NBAS: variants seen among roughly 807,000 people sequenced by gnomAD.
The protein encoded by NBAS is NAG/BC035112 fusion.
A neutral mutation model predicts 302.5 loss-of-function variants in NBAS; 219 were observed. That is an observed-to-expected ratio of 0.72 (90% CI 0.65 to 0.81). The LOEUF is 0.81. Ranked by LOEUF, NBAS falls within the 30% of genes least tolerant of loss-of-function variation. The pLI is 0.00. For synonymous variants in NBAS, 1,118 were observed against 1,021.6 expected (o/e 1.09, Z -1.80); for missense variants, 2,932 against 2,841.6 (o/e 1.03, Z -0.72).
intron 27 of NBAS, 62 bp from the exon 28 acceptor site, chr2:15,394,411 T>C (rs948885378): frequency 4.0e-5 from 63 of 1,576,914 alleles, no homozygotes; most frequent in Non-Finnish European, 5.4e-5. Context: ...CTAAGAATCT[T>C]AGGCATAGAG....
chr2:14,792,403 T>C, the NBAS span, among the ~76,000 whole-genome samples: 1 of 152,100 alleles, frequency 6.6e-6, no homozygotes, highest in African/African-American at 2.4e-5. Flanking sequence ...CACTATTGAG[T>C]ATTCGTGGTG....
At chr2:15,250,051 G>A (rs1045075629) in intron 44 of NBAS, among the ~76,000 whole-genome samples, 1 of 152,162 alleles carries the variant, frequency 6.6e-6, no homozygotes, top group East Asian at 1.9e-4. Context: ...CATGCTACCT[G>A]ACTTCAAACT....
chr2:15,150,515 G>C, the NBAS span, among the ~76,000 whole-genome samples: 87,738 of 151,982 alleles, frequency 0.58, 26,532 homozygotes, highest in East Asian at 0.78. Flanking sequence ...TATTTAAGAG[G>C]ATGTAAATCC....
the NBAS span, among the ~76,000 whole-genome samples, chr2:14,889,293 C>T: frequency 1.3e-5 from 2 of 152,224 alleles, no homozygotes; most frequent in African/African-American, 4.8e-5. Context: ...CAACAAATGT[C>T]TGCTTCATTT....
chr2:15,150,833 T>C, the NBAS span, among the ~76,000 whole-genome samples: 1 of 152,354 alleles, frequency 6.6e-6, no homozygotes, highest in East Asian at 1.9e-4. Flanking sequence ...ATTTCACTGA[T>C]AGTCCAACCT....
intron 21 of NBAS, among the ~76,000 whole-genome samples, chr2:15,449,040 C>T (rs965214987): frequency 1.3e-5 from 2 of 151,952 alleles, no homozygotes; most frequent in African/African-American, 4.8e-5. Context: ...AAAGAGAACT[C>T]CATGAAAAGG....
At chr2:15,232,650 T>A (rs1188299651) in intron 46 of NBAS, 139 bp from the exon 47 acceptor site, 2 of 735,032 alleles carry the variant, frequency 2.7e-6, no homozygotes, top group African/African-American at 3.5e-5. Flanking sequence ...TGCTATGTGA[T>A]GTCTACAAAT....
At chr2:14,949,983 C>A in the NBAS span, among the ~76,000 whole-genome samples, 4 of 152,056 alleles carry the variant, frequency 2.6e-5, no homozygotes, top group African/African-American at 7.2e-5. Flanking sequence ...TTTGATAGAT[C>A]AATGGAGTAA....
At chr2:15,539,102 T>G in intron 7 of NBAS, 121 bp downstream of exon 7, 5 of 1,360,990 alleles carry the variant, frequency 3.7e-6, no homozygotes, top group Middle Eastern at 2.5e-4. Context: ...GCGTCTTAAG[T>G]CCACAGCTTA....
chr2:15,067,417 GA>G, the NBAS span, among the ~76,000 whole-genome samples: 26 of 25,634 alleles, frequency 1.0e-3, no homozygotes, highest in South Asian at 3.3e-3. Flanking sequence ...GGGGAGGGGA[GA>G]GGAGGGGAGA....
chr2:15,346,344 G>T (rs1558257013), intron 35 of NBAS, among the ~76,000 whole-genome samples: 1 of 151,674 alleles, frequency 6.6e-6, no homozygotes, highest in African/African-American at 2.4e-5. Context: ...GTGGGCAAAG[G>T]GTATGAACAA....
chr2:15,454,280 A>G (rs1679150366), intron 21 of NBAS, among the ~76,000 whole-genome samples: 1 of 152,212 alleles, frequency 6.6e-6, no homozygotes, highest in African/African-American at 2.4e-5. Flanking sequence ...TATAATTGTC[A>G]CAGCATTTCT....
the NBAS span, among the ~76,000 whole-genome samples, chr2:15,039,007 C>T: frequency 6.6e-6 from 1 of 152,166 alleles, no homozygotes; most frequent in African/African-American, 2.4e-5. Context: ...GTCCTAGTTC[C>T]ACCAAAACCC....
chr2:14,887,799 T>C, the NBAS span, among the ~76,000 whole-genome samples: 37 of 152,198 alleles, frequency 2.4e-4, no homozygotes, highest in African/African-American at 8.7e-4. Context: ...AAACCAAACT[T>C]CTTATCTGCT....
the NBAS span, among the ~76,000 whole-genome samples, chr2:14,947,869 G>C: frequency 6.6e-6 from 1 of 151,560 alleles, no homozygotes; most frequent in African/African-American, 2.4e-5. Context: ...CATGTCTATT[G>C]AGAAGATCAT....
intron 38 of NBAS, among the ~76,000 whole-genome samples, chr2:15,322,412 A>C (rs1021278432): frequency 6.6e-6 from 1 of 151,906 alleles, no homozygotes; most frequent in Non-Finnish European, 1.5e-5. Context: ...TAAATAAATA[A>C]AATTTTAAAA....
Position 15,296,911 on chromosome 2 carries a change from A to G in NBAS, c.4798-4145T>C, listed in dbSNP as rs574789769. Among the ~76,000 whole-genome samples the G allele has an allele frequency of 1.7e-3, 266 of 152,360 alleles. 1 individual carries two copies. Among genetic ancestry groups the G allele is most frequent in the African/African-American group, 6.0e-3 (250 of 41,588 alleles). On this transcript the variant is annotated intron_variant, in intron 40 of 51. Coordinates refer to ENST00000281513, the MANE Select transcript of NBAS (RefSeq NM_015909.4). ...CACAAATTATAGCCATCAGATTTCT[A>G]CACAGTTTATACAACTTTAACCTCT...
the NBAS span, among the ~76,000 whole-genome samples, chr2:14,807,034 AC>A: frequency 8.5e-5 from 13 of 152,270 alleles, no homozygotes; most frequent in South Asian, 1.0e-3. Context: ...CAGAAAAAAA[AC>A]AAAACAAAAA....
At chr2:15,096,807 CA>C in the NBAS span, among the ~76,000 whole-genome samples, 1 of 151,804 alleles carries the variant, frequency 6.6e-6, no homozygotes, top group Admixed American at 6.6e-5. Flanking sequence ...ACTTCACCCA[CA>C]AAAAAAATAT....
Sources: gnomAD v4.1 joint callset for allele counts (sites outside exome capture counted in the v4.1 genomes callset) on GRCh38, gnomAD v4.1.1 for gene constraint, MANE v1.5 for transcripts, NCBI Gene and HGNC (gene_info 2026-07-23, HGNC 2026-07-21) for gene names.